Variants in STAC3 observed in about 807,000 individuals in gnomAD.
STAC3 encodes SH3 and cysteine rich domain 3, also known as SH3 and cysteine-rich domain-containing protein 3.
A neutral mutation model predicts 48.5 loss-of-function variants in STAC3; 30 were observed. That is an observed-to-expected ratio of 0.62 (90% CI 0.46 to 0.84). The LOEUF is 0.84. Ranked by LOEUF, STAC3 falls within the 40% of genes least tolerant of loss-of-function variation. The pLI is 0.00. For synonymous variants in STAC3, 144 were observed against 158.6 expected (o/e 0.91, Z 0.69); for missense variants, 419 against 462.6 (o/e 0.91, Z 0.86).
chr12:57,246,247 T>C (rs1354770389), intron 6 of STAC3, among the ~76,000 whole-genome samples: 1 of 152,114 alleles, frequency 6.6e-6, no homozygotes, highest in African/African-American at 2.4e-5. Context: ...ATTCACTCCA[T>C]AGAAATCCCT....
At chr12:57,249,760 CTGT>C (rs1424893441) in intron 1 of STAC3, 123 bp from the exon 2 acceptor site, 1 of 996,912 alleles carries the variant, frequency 1.0e-6, no homozygotes, top group Non-Finnish European at 1.5e-6. Flanking sequence ...AGAGATTTTG[CTGT>C]TGTTACTGTT....
intron 2 of STAC3, 128 bp from the exon 3 acceptor site, chr12:57,249,436 G>C (rs1169250106): frequency 2.2e-5 from 33 of 1,483,772 alleles, no homozygotes; most frequent in Middle Eastern, 2.0e-4. Context: ...GATTAGGGGG[G>C]TATTGGTATT....
At chr12:57,245,736 A>G (rs1313853308) in intron 6 of STAC3, among the ~76,000 whole-genome samples, 1 of 152,122 alleles carries the variant, frequency 6.6e-6, no homozygotes. Flanking sequence ...ATGTAGCTAA[A>G]TAACAGGGAA....
At chr12:57,246,719 T>C in intron 6 of STAC3, 85 bp downstream of exon 6, 1 of 1,273,712 alleles carries the variant, frequency 7.9e-7, no homozygotes, top group Non-Finnish European at 1.1e-6. Context: ...AGACAATCCA[T>C]TACTTCTGTC....
In STAC3 at chr12:57,251,144, T is replaced by C. The variant is rs964198045; in HGVS notation, c.-153A>G. On this transcript the variant is annotated 5_prime_UTR_variant, in exon 1 of 12. Coordinates refer to ENST00000332782, the MANE Select transcript of STAC3 (RefSeq NM_145064.3). ...TTCACACCAGCTACCCAGTCGCTAT[T>C]TGTAGACCTCCTAGCCTCCTGCCTT... 2.4e-5 allele frequency: 11 copies of C among 454,592 alleles called. No homozygotes were observed. Among genetic ancestry groups the C allele is most frequent in the Admixed American group, 1.6e-4 (7 of 42,518 alleles). 28.2% of individuals were successfully genotyped at this position (454,592 alleles called of 1,614,324 possible). A position where few individuals can be genotyped will look rare whatever the true frequency, so the allele number is the denominator to read the frequency against.
chr12:57,249,898 G>A (rs948607580), intron 1 of STAC3, among the ~76,000 whole-genome samples: 1 of 152,088 alleles, frequency 6.6e-6, no homozygotes, highest in Non-Finnish European at 1.5e-5. Flanking sequence ...TGGAACACAA[G>A]GTGCACACTA....
At chr12:57,250,608 A>G (rs2037878772) in intron 1 of STAC3, among the ~76,000 whole-genome samples, 1 of 152,046 alleles carries the variant, frequency 6.6e-6, no homozygotes, top group African/African-American at 2.4e-5. Flanking sequence ...ACCTTCCCAG[A>G]TCTCCTCTCT....
At position 57,243,765 on chromosome 12, in the gene STAC3, G is replaced by A; in HGVS notation, c.*47C>T. On this transcript the variant is annotated 3_prime_UTR_variant, in exon 12 of 12. Coordinates refer to ENST00000332782, the MANE Select transcript of STAC3 (RefSeq NM_145064.3). ...CCCCTCCCCAAACTCCACTGGGCCC[G>A]CCCAGAATGGGGTGTGGGTGTCTCC... 1 of 1,569,080 alleles carries A rather than the reference G, an allele frequency of 6.4e-7. No homozygotes were observed. Among genetic ancestry groups the A allele is most frequent in the Non-Finnish European group, 8.8e-7 (1 of 1,142,462 alleles).
rs751491183 is a variant in STAC3, at chr12:57,249,143, G to C, written c.232C>G (p.Pro78Ala). 23 of 1,613,854 alleles carry C rather than the reference G, an allele frequency of 1.4e-5. No individual in the cohort carries two copies. Among genetic ancestry groups the C allele is most frequent in the Non-Finnish European group, 1.9e-5 (23 of 1,179,986 alleles). Residue 78 changes from proline to alanine, a missense_variant, in exon 3 of 12, where the codon CCC becomes GCC. Transcript: ENST00000332782. ...TTGACCAGCTTAGGAGGTTCTGGGGGTGGCTCCTCCTCCTCCTCTTCTTCC... is the reference window on the plus strand; with the variant it reads ...TTGACCAGCTTAGGAGGTTCTGGGGCTGGCTCCTCCTCCTCCTCTTCTTCC... ...EEEEEEEEEP[P>A]PEPPKLVNDK...
rs886038730 is a variant in STAC3 at position 57,248,691 on chromosome 12, C to T, written c.432+15G>A. 2 of 1,605,846 alleles carry T rather than the reference C, an allele frequency of 1.2e-6. No individual in the cohort carries two copies. The highest frequency in any genetic ancestry group is 2.8e-5 in the African/African-American group (2 of 71,780). ...CGTGGCCATGTCCCCTCCTTGCTCT[C>T]CACAGCCTACTCACGATCTTGCCGA... On this transcript the variant is annotated intron_variant, in intron 4 of 11. Transcript: ENST00000332782.
chr12:57,243,919 T>C lies in STAC3; in HGVS notation c.997-9A>G, dbSNP rs746464389. 6.2e-7 allele frequency: 1 copy of C among 1,613,476 alleles called. No individual in the cohort carries two copies. Among genetic ancestry groups the C allele is most frequent in the African/African-American group, 1.3e-5 (1 of 74,984 alleles). ...CCTTTCTGCACCACGATCTAGAAGA[T>C]TAAAGGATCAGAAGTAGGAGAGGAA... is the stretch of plus-strand genomic sequence containing the variant. On this transcript the variant is annotated splice_polypyrimidine_tract_variant and intron_variant, in intron 11 of 11. Coordinates refer to ENST00000332782, the MANE Select transcript of STAC3 (RefSeq NM_145064.3).
At chr12:57,247,428 A>ATTTTTTTTTTTTT (rs367784960) in intron 5 of STAC3, among the ~76,000 whole-genome samples, 4 of 58,530 alleles carry the variant, frequency 6.8e-5, no homozygotes, top group African/African-American at 2.2e-4. Flanking sequence ...TATTATTATT[A>ATTTTTTTTTTTTT]TTTTTTTTTT....
At chr12:57,249,479 G>A in intron 2 of STAC3, 92 bp downstream of exon 2, 1 of 1,546,802 alleles carries the variant, frequency 6.5e-7, no homozygotes, top group South Asian at 1.2e-5. Flanking sequence ...CAAAAAATGA[G>A]TCACACACAA....
In STAC3 at chr12:57,244,976, A is replaced by T. The variant is rs2136824057; in HGVS notation, c.671-11T>A. ...CCCCTTCAGGGTTTCCTGGGATAGG[A>T]AACACCAACAAATTGTCTGTCTCCT... On this transcript the variant is annotated splice_polypyrimidine_tract_variant and intron_variant, in intron 7 of 11. Coordinates refer to ENST00000332782, the MANE Select transcript of STAC3 (RefSeq NM_145064.3). The T allele has an allele frequency of 6.2e-7, 1 of 1,614,060 alleles. No homozygotes were observed. Among genetic ancestry groups the T allele is most frequent in the Admixed American group, 1.7e-5 (1 of 60,014 alleles).
Position 57,244,419 on chromosome 12 carries a change from C to G in STAC3, c.807-53G>C, listed in dbSNP as rs539801520. The G allele has an allele frequency of 3.7e-6, 6 of 1,613,082 alleles. No homozygotes were observed. In the East Asian group the frequency reaches 1.3e-4, roughly 36 times the overall value. On this transcript the variant is annotated intron_variant, in intron 9 of 11. Transcript: ENST00000332782. ...CACATAGCAGGTCCCCTGCTGTGCC[C>G]CGGGTCCAGCATCAATAGGCTCCAA...
rs773899144 is a variant in STAC3, at chr12:57,245,146, A to G, written c.669T>C (p.Asp223=). 3 of 1,614,040 alleles carry G rather than the reference A, an allele frequency of 1.9e-6. No individual in the cohort carries two copies. Among genetic ancestry groups the G allele is most frequent in the Non-Finnish European group, 2.5e-6 (3 of 1,179,988 alleles). The change falls in exon 7 of 12, where the codon GAT becomes GAC. Residue 223 remains aspartate, a splice_region_variant and synonymous_variant. Coordinates refer to ENST00000332782, the MANE Select transcript of STAC3 (RefSeq NM_145064.3). ...TGGATGGAGGTGGGTAACACTCACCATCCTGGGGTTTGCCTTCCTCTGGTC... is the reference window on the plus strand; with the variant it reads ...TGGATGGAGGTGGGTAACACTCACCGTCCTGGGGTTTGCCTTCCTCTGGTC... ...SARPEEGKPQ[D]GNPEGDKKAE...
At position 57,243,681 on chromosome 12, in the gene STAC3, C is replaced by T. The variant is rs557311257; in HGVS notation, c.*131G>A. The T allele has an allele frequency of 2.9e-4, 242 of 847,242 alleles. No homozygotes were observed. In the African/African-American group the frequency reaches 3.7e-3, roughly 13 times the overall value. The allele number at this position is 847,242 out of a possible 1,614,324, so 52.5% of individuals were successfully genotyped here. ...AGAACCAGTCCCTTCCCGGAAGCCCCGTCGCGCTCAGGCGGGCCTTCCTAC... is the reference window on the plus strand; with the variant it reads ...AGAACCAGTCCCTTCCCGGAAGCCCTGTCGCGCTCAGGCGGGCCTTCCTAC... On this transcript the variant is annotated 3_prime_UTR_variant, in exon 12 of 12. Transcript: ENST00000332782.
At chr12:57,245,742 G>C (rs1169129633) in intron 6 of STAC3, among the ~76,000 whole-genome samples, 3 of 152,072 alleles carry the variant, frequency 2.0e-5, no homozygotes, top group African/African-American at 7.2e-5. Context: ...CTAAATAACA[G>C]GGAATTCACT....
In STAC3 at chr12:57,248,742, C is replaced by T. The variant is rs772314989; in HGVS notation, c.396G>A (p.Gln132=). 1.2e-6 allele frequency: 2 copies of T among 1,613,954 alleles called. No individual in the cohort carries two copies. Among genetic ancestry groups the T allele is most frequent in the African/African-American group, 2.7e-5 (2 of 74,926 alleles). ...NCKTNIHEHC[Q]SYVEMQRCFG... ...AGCATCTCTGCATTTCCACATAGGA[C>T]TGACAGTGTTCATGGATGTTGGTTT... Residue 132 remains glutamine, a synonymous_variant, in exon 4 of 12, where the codon CAG becomes CAA. Coordinates refer to ENST00000332782, the MANE Select transcript of STAC3 (RefSeq NM_145064.3).
Sources: allele counts gnomAD v4.1 joint callset (sites outside exome capture counted in the v4.1 genomes callset), GRCh38; gene constraint gnomAD v4.1.1; transcripts MANE v1.5; gene names NCBI Gene and HGNC (gene_info 2026-07-23, HGNC 2026-07-21).